DCAF17: variants seen among roughly 807,000 people sequenced by gnomAD.
DCAF17 encodes the protein DDB1- and CUL4-associated factor 17.
Under a neutral mutation model 66.0 loss-of-function variants are expected in DCAF17, and 48 were observed. The observed-to-expected ratio is 0.73, with a 90% CI of 0.58 to 0.92. The LOEUF is 0.92. DCAF17 is among the 40% of genes least tolerant of loss of function. The probability of loss-of-function intolerance (pLI) is 0.00; values close to 1 mark genes in which losing one functional copy is unlikely to be tolerated. For synonymous variants in DCAF17, 206 were observed against 214.6 expected (o/e 0.96, Z 0.35); for missense variants, 562 against 622.8 (o/e 0.90, Z 1.04).
Position 171,483,331 on chromosome 2 carries a change from TG to T in DCAF17, c.*2220del. On this transcript the variant is annotated 3_prime_UTR_variant, in exon 14 of 14. Coordinates refer to ENST00000375255, the MANE Select transcript of DCAF17 (RefSeq NM_025000.4). The stretch of plus-strand genomic sequence containing the variant: ...TACTAGTGACAGGTACAAAACATTA[TG>T]GGTAACAATTCTGAGTGTTTAATGC... The T allele has an allele frequency of 4.4e-6, 2 of 454,084 alleles. No individual in the cohort carries two copies. Among genetic ancestry groups the T allele is most frequent in the Non-Finnish European group, 8.8e-6 (2 of 226,792 alleles). 28.1% of individuals were successfully genotyped at this position (454,084 alleles called of 1,614,324 possible).
chr2:171,466,573 A>C (rs1210143060), intron 8 of DCAF17, among the ~76,000 whole-genome samples: 1 of 136,174 alleles, frequency 7.3e-6, no homozygotes, highest in East Asian at 2.1e-4. Flanking sequence ...GAGAATTTTT[A>C]GGCCTTTTTC....
intron 9 of DCAF17, among the ~76,000 whole-genome samples, chr2:171,470,509 G>A (rs1474275674): frequency 6.6e-6 from 1 of 152,086 alleles, no homozygotes; most frequent in Non-Finnish European, 1.5e-5. Context: ...TCTTTTGTAG[G>A]AGCATTGTTC....
chr2:171,461,471 G>A (rs998320433), intron 8 of DCAF17, among the ~76,000 whole-genome samples: 2 of 151,936 alleles, frequency 1.3e-5, no homozygotes, highest in African/African-American at 4.8e-5. Flanking sequence ...TTTAAAAATT[G>A]GGAAATAAAG....
chr2:171,469,088 CCT>C (rs1349955555), intron 9 of DCAF17, 58 bp downstream of exon 9: 1 of 1,584,928 alleles, frequency 6.3e-7, no homozygotes, highest in Non-Finnish European at 8.7e-7. Context: ...TTATTTTCTA[CCT>C]CTCAAATAGG....
intron 3 of DCAF17, among the ~76,000 whole-genome samples, chr2:171,443,879 T>C (rs1440468014): frequency 6.6e-6 from 1 of 152,168 alleles, no homozygotes; most frequent in African/African-American, 2.4e-5. Context: ...GATTAAAAGT[T>C]ATATAAGCAG....
chr2:171,481,862 C>G lies in DCAF17; in HGVS notation c.*748C>G, dbSNP rs189949476. ...AGCTCTTAATGTATCTAAGGATGTTCTCATCTCACCATTCTACTCATTTAG... is the reference window on the plus strand; with the variant it reads ...AGCTCTTAATGTATCTAAGGATGTTGTCATCTCACCATTCTACTCATTTAG... On this transcript the variant is annotated 3_prime_UTR_variant, in exon 14 of 14. Coordinates refer to ENST00000375255, the MANE Select transcript of DCAF17 (RefSeq NM_025000.4). The G allele has an allele frequency of 8.8e-6, 4 of 453,970 alleles. No individual in the cohort carries two copies. In the East Asian group the frequency reaches 2.8e-4, roughly 32 times the overall value. The allele number at this position is 453,970 out of a possible 1,614,324, so 28.1% of individuals were successfully genotyped here.
In DCAF17 at chr2:171,462,379, G is replaced by A. The variant is rs186416511; in HGVS notation, c.838+3902G>A. ...AGGGTTCTATAGATCAATAAGAAAA[G>A]GAGTGATAACACAATTACAAAATGA... On this transcript the variant is annotated intron_variant, in intron 8 of 13. Transcript: ENST00000375255. Among the ~76,000 whole-genome samples the A allele has an allele frequency of 2.8e-3, 423 of 152,168 alleles. 2 individuals are homozygous for A. Among genetic ancestry groups the A allele is most frequent in the African/African-American group, 9.7e-3 (403 of 41,530 alleles).
chr2:171,446,698 A>G (rs1211132503), intron 3 of DCAF17, among the ~76,000 whole-genome samples: 5 of 152,214 alleles, frequency 3.3e-5, no homozygotes, highest in Admixed American at 2.6e-4. Flanking sequence ...GCAGGATAAC[A>G]GTGTGGAGAC....
chr2:171,465,748 G>T (rs565877766), intron 8 of DCAF17, among the ~76,000 whole-genome samples: 1 of 152,240 alleles, frequency 6.6e-6, no homozygotes, highest in South Asian at 2.1e-4. Flanking sequence ...GCCTCCCAAG[G>T]TGCTGGGATT....
chr2:171,477,158 G>A (rs949296982), intron 11 of DCAF17, among the ~76,000 whole-genome samples: 1 of 152,080 alleles, frequency 6.6e-6, no homozygotes, highest in Non-Finnish European at 1.5e-5. Flanking sequence ...TTTGTCTTTT[G>A]CTGATTTCCG....
chr2:171,472,606 G>A (rs1465516217), intron 9 of DCAF17, among the ~76,000 whole-genome samples: 1 of 151,966 alleles, frequency 6.6e-6, no homozygotes, highest in Non-Finnish European at 1.5e-5. Flanking sequence ...CTGGTGCATG[G>A]GTCAATCACT....
At chr2:171,434,959 G>A in intron 1 of DCAF17, 124 bp from the exon 2 acceptor site, 1 of 1,000,602 alleles carries the variant, frequency 1.0e-6, no homozygotes, top group Non-Finnish European at 1.5e-6. Context: ...CATGAGGGCA[G>A]AGTGGAGGAA....
intron 8 of DCAF17, among the ~76,000 whole-genome samples, chr2:171,462,331 G>C (rs1314700659): frequency 6.6e-6 from 1 of 152,070 alleles, no homozygotes; most frequent in Non-Finnish European, 1.5e-5. Flanking sequence ...ATACTGTAAT[G>C]GGGCAATTTC....
intron 1 of DCAF17, 177 bp downstream of exon 1, chr2:171,434,880 A>G: frequency 3.6e-6 from 4 of 1,115,096 alleles, no homozygotes; most frequent in Non-Finnish European, 4.9e-6. Flanking sequence ...AGCTGCTTTT[A>G]GTTTTACGCT....
chr2:171,462,870 G>C (rs530362467), intron 8 of DCAF17, among the ~76,000 whole-genome samples: 1 of 152,224 alleles, frequency 6.6e-6, no homozygotes, highest in South Asian at 2.1e-4. Flanking sequence ...ACATTGGTAA[G>C]TGGCATTAGT....
rs1475885082 is a variant in DCAF17, at chr2:171,448,790, T to C, written c.431T>C (p.Ile144Thr). The C allele has an allele frequency of 6.2e-7, 1 of 1,613,090 alleles. No individual in the cohort carries two copies. The highest frequency in any genetic ancestry group is 1.3e-5 in the African/African-American group (1 of 74,880). ...SATTGKILEK[I>T]YLAPYCKFRY... ...ACTACGGGAAAAATCCTTGAGAAAATATATCTTGCACCTTATTGCAAATTC... is the reference window on the plus strand; with the variant it reads ...ACTACGGGAAAAATCCTTGAGAAAACATATCTTGCACCTTATTGCAAATTC... Residue 144 changes from isoleucine (I) to threonine (T), a missense_variant, in exon 4 of 14, where the codon ATA (isoleucine) becomes ACA (threonine). This residue lies in a region of DCAF17 where 348 missense variants were observed against 355.9 expected (regional missense o/e 0.98). Coordinates refer to ENST00000375255, the MANE Select transcript of DCAF17 (RefSeq NM_025000.4).
intron 13 of DCAF17, 113 bp downstream of exon 13, chr2:171,480,306 A>G (rs1696683570): frequency 3.7e-6 from 5 of 1,353,886 alleles, no homozygotes; most frequent in South Asian, 1.2e-5. Context: ...GCCAATGACC[A>G]TGTGAAAGAG....
intron 9 of DCAF17, among the ~76,000 whole-genome samples, chr2:171,471,836 G>A (rs1229641220): frequency 6.6e-6 from 1 of 152,048 alleles, no homozygotes; most frequent in African/African-American, 2.4e-5. Context: ...GCAGCATGGT[G>A]AAACCCTGCC....
chr2:171,479,870 A>G, intron 12 of DCAF17, 168 bp from the exon 13 acceptor site: 1 of 706,758 alleles, frequency 1.4e-6, no homozygotes, highest in South Asian at 1.9e-5. Context: ...CTGATGTTTT[A>G]CTAGGCATAT....
Sources: allele counts gnomAD v4.1 joint callset (sites outside exome capture counted in the v4.1 genomes callset), GRCh38; gene constraint gnomAD v4.1.1; regional missense constraint gnomAD v4.1.1; transcripts MANE v1.5; gene names NCBI Gene and HGNC (gene_info 2026-07-23, HGNC 2026-07-21).